LMF1: variants seen among roughly 807,000 people sequenced by gnomAD.
LMF1 encodes the protein lipase maturation factor 1, also known as transmembrane protein 112.
A neutral mutation model predicts 60.6 loss-of-function variants in LMF1; 68 were observed. The observed-to-expected ratio is 1.12, with a 90% confidence interval of 0.92 to 1.37. The LOEUF (loss-of-function observed/expected upper bound fraction) is 1.37. Ranked by LOEUF, LMF1 falls within the 40% of genes most tolerant of loss-of-function variation. The probability of loss-of-function intolerance (pLI) is 0.00; values close to 1 mark genes in which losing one functional copy is unlikely to be tolerated. For missense variants in LMF1, 948 were observed against 767.2 expected, an observed-to-expected ratio of 1.24 and a Z score of -2.78; for synonymous variants, 418 against 324.7, an observed-to-expected ratio of 1.29 and a Z score of -3.09.
At chr16:979,300 T>A (rs1213895910) in intron 1 of LMF1, 3 of 358,008 alleles carry the variant, frequency 8.4e-6, no homozygotes, top group African/African-American at 6.4e-5. Context: ...TGGGCACCAC[T>A]CTGCATGGGG....
At chr16:955,360 C>G (rs199547696) in intron 1 of LMF1, among the ~76,000 whole-genome samples, 1 of 129,264 alleles carries the variant, frequency 7.7e-6, no homozygotes, top group South Asian at 2.2e-4. Context: ...CGACCCGTTA[C>G]ATAAAATGCG....
chr16:859,182 T>C (rs2069335424), intron 10 of LMF1, among the ~76,000 whole-genome samples: 2 of 115,560 alleles, frequency 1.7e-5, no homozygotes, highest in African/African-American at 8.3e-5. Flanking sequence ...GTGTGAGTGG[T>C]GTCTCGGGAC....
At chr16:863,520 C>T (rs2069529216) in intron 10 of LMF1, among the ~76,000 whole-genome samples, 1 of 152,152 alleles carries the variant, frequency 6.6e-6, no homozygotes, top group Non-Finnish European at 1.5e-5. Context: ...TTTTATTGGT[C>T]TTTTAAAAGA....
intron 4 of LMF1, among the ~76,000 whole-genome samples, chr16:910,593 G>A (rs1416242418): frequency 6.6e-6 from 1 of 152,160 alleles, no homozygotes; most frequent in Non-Finnish European, 1.5e-5. Context: ...GACACTCCGG[G>A]AAGCAAAGGA....
At chr16:931,267 T>C (rs1360400736) in intron 3 of LMF1, among the ~76,000 whole-genome samples, 2 of 152,206 alleles carry the variant, frequency 1.3e-5, no homozygotes, top group East Asian at 3.9e-4. Flanking sequence ...ATGTGCCCAG[T>C]GGCCGGGCTG....
chr16:868,174 C>T (rs1013714360), intron 10 of LMF1, among the ~76,000 whole-genome samples: 6 of 152,060 alleles, frequency 3.9e-5, no homozygotes, highest in African/African-American at 9.7e-5. Flanking sequence ...GTCACGTGGA[C>T]GTCTCCAATC....
At chr16:864,300 C>T (rs1204919366) in intron 10 of LMF1, among the ~76,000 whole-genome samples, 1 of 152,170 alleles carries the variant, frequency 6.6e-6, no homozygotes, top group Non-Finnish European at 1.5e-5. Context: ...TTCAACCTGC[C>T]TATACAGAGG....
chr16:927,333 A>T (rs1336491033), intron 3 of LMF1, among the ~76,000 whole-genome samples: 4 of 152,230 alleles, frequency 2.6e-5, no homozygotes, highest in African/African-American at 9.6e-5. Context: ...TTCACGCCCC[A>T]GGTGACAGGG....
At chr16:868,458 G>A (rs953162559) in intron 10 of LMF1, among the ~76,000 whole-genome samples, 1 of 152,188 alleles carries the variant, frequency 6.6e-6, no homozygotes, top group African/African-American at 2.4e-5. Context: ...CTGACCCTGC[G>A]GGGCTCCCTC....
chr16:863,016 G>C (rs1352502249), intron 10 of LMF1, among the ~76,000 whole-genome samples: 1 of 152,080 alleles, frequency 6.6e-6, no homozygotes, highest in Non-Finnish European at 1.5e-5. Flanking sequence ...TAGTTATAGG[G>C]CTATTTAAAT....
rs369085112 is a variant in LMF1, at chr16:854,217, T to C, written c.*315A>G. On this transcript the variant is annotated 3_prime_UTR_variant, in exon 11 of 11. Coordinates refer to ENST00000262301, the MANE Select transcript of LMF1 (RefSeq NM_022773.4). ...GTGGAGGAAGGTGTCAGGATGGCCA[T>C]TGTCTCAACTCCTGTGGGCGGCACA... 17 of 573,168 alleles carry C rather than the reference T, an allele frequency of 3.0e-5. No homozygotes were observed. The East Asian group carries it at 6.3e-4, about 21-fold the overall frequency. 35.5% of individuals were successfully genotyped at this position (573,168 alleles called of 1,614,324 possible).
At chr16:974,702 A>G (rs1165489765), upstream of LMF1, among the ~76,000 whole-genome samples, 2 of 152,182 alleles carry the variant, frequency 1.3e-5, no homozygotes, top group African/African-American at 4.8e-5. Context: ...CGCTCCCAGC[A>G]GCTGCGGGCC....
chr16:968,218 G>T (rs574854459), intron 1 of LMF1, among the ~76,000 whole-genome samples: 1 of 152,324 alleles, frequency 6.6e-6, no homozygotes, highest in African/African-American at 2.4e-5. Flanking sequence ...GCTGGCAGCC[G>T]GCCTCTCCAG....
At chr16:922,622 G>A (rs117475967) in intron 3 of LMF1, among the ~76,000 whole-genome samples, 1,506 of 124,032 alleles carry the variant, frequency 0.012, 73 homozygotes, top group Non-Finnish European at 0.017. Context: ...GTGTTGGTGC[G>A]TGTTGTTGCG....
intron 5 of LMF1, among the ~76,000 whole-genome samples, chr16:885,282 A>T (rs2070273710): frequency 6.6e-6 from 1 of 152,250 alleles, no homozygotes; most frequent in African/African-American, 2.4e-5. Flanking sequence ...TCACAAAAAT[A>T]TTCAATTAAT....
chr16:886,543 A>G (rs12921452), intron 5 of LMF1, among the ~76,000 whole-genome samples: 291 of 64,020 alleles, frequency 4.5e-3, no homozygotes, highest in Middle Eastern at 0.025. Context: ...GAGACCCCCG[A>G]CATTCCCCAG....
chr16:969,745 G>A (rs2073002165), intron 1 of LMF1, among the ~76,000 whole-genome samples: 1 of 152,226 alleles, frequency 6.6e-6, no homozygotes, highest in South Asian at 2.1e-4. Flanking sequence ...CGGCCTGGCA[G>A]GCTCCCCTCA....
chr16:927,722 C>A (rs1346902043), intron 3 of LMF1, among the ~76,000 whole-genome samples: 3 of 152,198 alleles, frequency 2.0e-5, no homozygotes, highest in African/African-American at 7.2e-5. Context: ...TCTGCTCCAG[C>A]ACTAATAGGG....
chr16:875,366 C>T (rs2069943531), intron 6 of LMF1, among the ~76,000 whole-genome samples: 1 of 152,108 alleles, frequency 6.6e-6, no homozygotes, highest in South Asian at 2.1e-4. Context: ...CCCGTTGGTC[C>T]AATTCTCATC....
Sources: gnomAD v4.1 joint callset for allele counts (sites outside exome capture counted in the v4.1 genomes callset) on GRCh38, gnomAD v4.1.1 for gene constraint, MANE v1.5 for transcripts, NCBI Gene and HGNC (gene_info 2026-07-23, HGNC 2026-07-21) for gene names.